The following TRPM7 variants were observed in gnomAD, a reference collection of about 807,000 sequenced individuals.
TRPM7 encodes the protein transient receptor potential cation channel subfamily M member 7, also known as LTRPC ion channel family member 7.
TRPM7 carries 134 observed loss-of-function variants against 229.7 expected under a neutral mutation model. The ratio of observed to expected loss-of-function variants is 0.58; its 90% CI spans 0.51 to 0.67. The LOEUF (loss-of-function observed/expected upper bound fraction) is 0.67. Among genes scored for constraint, TRPM7 ranks in the 30% least tolerant of loss-of-function variants. The pLI is 0.00. For missense variants in TRPM7, 1,901 were observed against 2,210.0 expected (o/e 0.86, Z 2.80); for synonymous variants, 699 against 715.2 (o/e 0.98, Z 0.36).
Position 50,632,966 on chromosome 15 carries a change from T to C in TRPM7, c.1034A>G (p.Asp345Gly), listed in dbSNP as rs767685963. The part of the protein sequence containing the change: ...GGNLPDAAEP[D>G]IISTIKKTFN... ...TGTTTTTTTGATAGTGGAAATAATA[T>C]CGGGCTCTGCTGCATCAGGAAGATT... is the stretch of plus-strand genomic sequence containing the variant. Residue 345 changes from aspartate to glycine, a missense_variant, in exon 9 of 39, where the codon GAT becomes GGT. Transcript: ENST00000646667. The C allele has an allele frequency of 1.3e-6, 2 of 1,598,556 alleles. No individual in the cohort carries two copies. Among genetic ancestry groups the C allele is most frequent in the Non-Finnish European group, 1.7e-6 (2 of 1,175,674 alleles).
At chr15:50,659,614 T>C (rs527512189) in intron 2 of TRPM7, among the ~76,000 whole-genome samples, 26 of 152,308 alleles carry the variant, frequency 1.7e-4, no homozygotes, top group African/African-American at 6.3e-4. Flanking sequence ...TTATTTCTAT[T>C]GCAAAGTGGA....
intron 8 of TRPM7, 76 bp from the exon 9 acceptor site, chr15:50,633,068 C>A: frequency 7.7e-7 from 1 of 1,295,024 alleles, no homozygotes; most frequent in Admixed American, 2.9e-5. Flanking sequence ...ACAGGTAGAT[C>A]CATGTAAGAC....
At chr15:50,616,555 G>A (rs1481069056) in intron 13 of TRPM7, among the ~76,000 whole-genome samples, 1 of 152,174 alleles carries the variant, frequency 6.6e-6, no homozygotes, top group Non-Finnish European at 1.5e-5. Context: ...GGGGAGTACA[G>A]AAGGAGAAGA....
At position 50,614,149 on chromosome 15, in the gene TRPM7, A is replaced by G. The variant is rs200922295; in HGVS notation, c.1609T>C (p.Tyr537His). 8.6e-4 allele frequency: 1,391 copies of G among 1,609,606 alleles called. 1 individual carries two copies. The highest frequency in any genetic ancestry group is 1.1e-3 in the Non-Finnish European group (1,337 of 1,178,578). Residue 537 changes from tyrosine (Y) to histidine (H), a missense_variant, in exon 14 of 39, where the codon TAT becomes CAT. By Grantham distance (83) the Tyr-to-His change is moderately conservative (BLOSUM62 2). Around this residue, in one of 8 missense-constraint regions of TRPM7, gnomAD observed 794 missense variants for 881.9 expected, o/e 0.90. Coordinates refer to ENST00000646667, the MANE Select transcript of TRPM7 (RefSeq NM_017672.6). ...TYTRKRFRLI[Y>H]NSLGGNNRRS... ...CGATTATTTCCACCAAGACTATTAT[A>G]TATTAATCGAAAACGTTTCCTAGTA... is the stretch of plus-strand genomic sequence containing the variant.
At chr15:50,641,647 T>G (rs1302804076) in intron 5 of TRPM7, among the ~76,000 whole-genome samples, 1 of 152,218 alleles carries the variant, frequency 6.6e-6, no homozygotes, top group East Asian at 1.9e-4. Flanking sequence ...TAGATATTTT[T>G]ACTGTTTATG....
At chr15:50,608,792 T>C (rs139006252) in intron 19 of TRPM7, among the ~76,000 whole-genome samples, 3 of 152,328 alleles carry the variant, frequency 2.0e-5, no homozygotes, top group African/African-American at 4.8e-5. Flanking sequence ...AGGGTTTTCC[T>C]ATGACGGGGA....
intron 27 of TRPM7, among the ~76,000 whole-genome samples, chr15:50,587,404 G>GTT (rs1469787202): frequency 1.6e-4 from 17 of 107,352 alleles, no homozygotes; most frequent in East Asian, 3.9e-4. Context: ...AATAAATACT[G>GTT]CTTTTTTTTT....
At chr15:50,677,696 G>T (rs1239997087) in intron 1 of TRPM7, among the ~76,000 whole-genome samples, 1 of 128,544 alleles carries the variant, frequency 7.8e-6, no homozygotes, top group South Asian at 2.5e-4. Context: ...CTGAGATCAC[G>T]CCACTGCACT....
At chr15:50,672,463 A>G (rs1158684330) in intron 1 of TRPM7, among the ~76,000 whole-genome samples, 1 of 151,784 alleles carries the variant, frequency 6.6e-6, no homozygotes, top group Non-Finnish European at 1.5e-5. Context: ...CATTCATGTT[A>G]TTGTCCCTCA....
intron 12 of TRPM7, 24 bp downstream of exon 12, chr15:50,624,142 T>C: frequency 6.3e-7 from 1 of 1,584,944 alleles, no homozygotes; most frequent in Non-Finnish European, 8.6e-7. Context: ...ATGTAGTCAA[T>C]AAAGAATTTT....
intron 4 of TRPM7, among the ~76,000 whole-genome samples, chr15:50,645,513 G>A (rs2061237815): frequency 6.6e-6 from 1 of 152,080 alleles, no homozygotes; most frequent in Admixed American, 6.6e-5. Context: ...TGTATTTTTA[G>A]TAGAGACAGG....
chr15:50,686,736 T>C lies in TRPM7; in HGVS notation c.-203A>G, dbSNP rs112540614. 2 of 615,618 alleles carry C rather than the reference T, an allele frequency of 3.2e-6. No homozygotes were observed. Among genetic ancestry groups the C allele is most frequent in the Non-Finnish European group, 5.2e-6 (2 of 381,314 alleles). The allele number at this position is 615,618 out of a possible 1,614,324, so 38.1% of individuals were successfully genotyped here. ...CTTTCATAATTGTGCGACCAACTCC[T>C]CCGGGTGACTGGCCACAGGGACGCG... On this transcript the variant is annotated 5_prime_UTR_variant, in exon 1 of 39. Transcript: ENST00000646667.
intron 38 of TRPM7, among the ~76,000 whole-genome samples, chr15:50,565,828 GTTT>G (rs59711223): frequency 2.7e-5 from 4 of 145,856 alleles, no homozygotes; most frequent in Non-Finnish European, 4.5e-5. Flanking sequence ...AACTCTTTTT[GTTT>G]TTTTTTTTTT....
chr15:50,636,741 A>C (rs2060919079), intron 7 of TRPM7, among the ~76,000 whole-genome samples: 1 of 152,146 alleles, frequency 6.6e-6, no homozygotes, highest in African/African-American at 2.4e-5. Flanking sequence ...TCATTTCATA[A>C]ATTTTAAGCT....
At chr15:50,655,268 T>A (rs929244733) in intron 3 of TRPM7, among the ~76,000 whole-genome samples, 1 of 151,336 alleles carries the variant, frequency 6.6e-6, no homozygotes, top group African/African-American at 2.4e-5. Flanking sequence ...ATCCCATCTC[T>A]ACTAATAATA....
chr15:50,649,780 C>T (rs987155322), intron 3 of TRPM7, among the ~76,000 whole-genome samples: 6 of 152,056 alleles, frequency 3.9e-5, no homozygotes, highest in Non-Finnish European at 8.8e-5. Context: ...TCTTAAAAAT[C>T]AGATGAGAGT....
chr15:50,632,117 A>G (rs912770028), intron 9 of TRPM7, among the ~76,000 whole-genome samples: 2 of 152,136 alleles, frequency 1.3e-5, no homozygotes, highest in East Asian at 3.9e-4. Flanking sequence ...AGCCTGGCCA[A>G]CACAGTGAAA....
In TRPM7 at chr15:50,609,503, T is replaced by A. The variant is rs8023951; in HGVS notation, c.2580+78A>T. 7,736 of 1,351,612 alleles carry A rather than the reference T, an allele frequency of 5.7e-3. 410 individuals carry two copies. The African/African-American group carries it at 0.1, about 18-fold the overall frequency. The allele number at this position is 1,351,612 out of a possible 1,614,324, so 83.7% of individuals were successfully genotyped here. On this transcript the variant is annotated intron_variant, in intron 19 of 38. Coordinates refer to ENST00000646667, the MANE Select transcript of TRPM7 (RefSeq NM_017672.6). ...TTCAGTGATCTAAGTTATATCAACA[T>A]TAGTATGGATTCCGAACCAATGGTC... is the stretch of plus-strand genomic sequence containing the variant.
intron 17 of TRPM7, 31 bp downstream of exon 17, chr15:50,611,060 CAT>C: frequency 1.3e-6 from 2 of 1,511,888 alleles, no homozygotes; most frequent in Non-Finnish European, 1.8e-6. Context: ...TATCTAATCA[CAT>C]GCTTTATATC....
Sources: gnomAD v4.1 joint callset for allele counts (sites outside exome capture counted in the v4.1 genomes callset) on GRCh38, gnomAD v4.1.1 for gene constraint, gnomAD v4.1.1 regional missense constraint, MANE v1.5 for transcripts, NCBI Gene and HGNC (gene_info 2026-07-23, HGNC 2026-07-21) for gene names.